TTL: variants seen among roughly 807,000 people sequenced by gnomAD.
TTL encodes tubulin--tyrosine ligase.
Under a neutral mutation model 41.1 loss-of-function variants are expected in TTL, and 10 were observed. The ratio of observed to expected loss-of-function variants is 0.24; its 90% CI spans 0.15 to 0.41. The LOEUF (loss-of-function observed/expected upper bound fraction) is 0.41, where lower values mean the gene tolerates loss of function less well. TTL is among the 10% of genes least tolerant of loss of function. The pLI is 1.00. For missense variants in TTL, 367 were observed against 460.4 expected (o/e 0.80, Z 1.86); for synonymous variants, 175 against 175.5 (o/e 1.00, Z 0.02).
chr2:112,510,077 CATT>C (rs1681884837), intron 5 of TTL, among the ~76,000 whole-genome samples: 1 of 152,140 alleles, frequency 6.6e-6, no homozygotes, highest in South Asian at 2.1e-4. Context: ...TGCACTTTAT[CATT>C]CTCTTCCTTT....
intron 6 of TTL, among the ~76,000 whole-genome samples, chr2:112,525,126 C>T (rs2104477566): frequency 6.6e-6 from 1 of 152,248 alleles, no homozygotes; most frequent in South Asian, 2.1e-4. Context: ...TTTCTGAGGG[C>T]TCTGTTCTGT....
chr2:112,527,472 A>T (rs762439326), intron 6 of TTL, among the ~76,000 whole-genome samples: 7 of 152,060 alleles, frequency 4.6e-5, no homozygotes, highest in Admixed American at 2.0e-4. Context: ...GTCTCTAAGG[A>T]CTTGCTTTAT....
intron 5 of TTL, among the ~76,000 whole-genome samples, chr2:112,512,513 C>T (rs1265870227): frequency 2.0e-5 from 3 of 152,142 alleles, no homozygotes; most frequent in East Asian, 1.9e-4. Context: ...CCGTCCACCT[C>T]GGCCTCCCAA....
chr2:112,498,322 TA>T (rs945220698), intron 3 of TTL, among the ~76,000 whole-genome samples: 4 of 150,754 alleles, frequency 2.7e-5, no homozygotes, highest in African/African-American at 4.9e-5. Flanking sequence ...AAATTCCGTC[TA>T]AAAAAAAACC....
At chr2:112,491,937 T>A (rs984251137) in intron 2 of TTL, among the ~76,000 whole-genome samples, 1 of 152,224 alleles carries the variant, frequency 6.6e-6, no homozygotes, top group Non-Finnish European at 1.5e-5. Context: ...TCCACGTCAG[T>A]AGTATGCCTT....
At chr2:112,515,418 C>CT (rs1332642625) in intron 5 of TTL, among the ~76,000 whole-genome samples, 2 of 151,886 alleles carry the variant, frequency 1.3e-5, no homozygotes, top group African/African-American at 4.8e-5. Flanking sequence ...TCTATTGTCT[C>CT]TTTTTTCTCT....
rs1172859061 is a variant in TTL at position 112,538,125 on chromosome 2, T to G, written c.*9330T>G. 6.6e-6 allele frequency: 1 copy of G among 152,258 alleles called. No homozygotes were observed. The highest frequency in any genetic ancestry group is 2.4e-5 in the African/African-American group (1 of 41,472). The allele number at this position is 152,258 out of a possible 1,614,324, so 9.4% of individuals were successfully genotyped here. A position where few individuals can be genotyped will look rare whatever the true frequency, so the allele number is the denominator to read the frequency against. On this transcript the variant is annotated 3_prime_UTR_variant, in exon 7 of 7. Transcript: ENST00000233336. Reference sequence around the variant, plus strand: ...AAAGAGGTTGGACTAATAATAATTCTTTTAAAACTTCCCACAGGGAAAAGC... The same window carrying G: ...AAAGAGGTTGGACTAATAATAATTCGTTTAAAACTTCCCACAGGGAAAAGC...
chr2:112,511,940 G>C (rs1574066005), intron 5 of TTL, among the ~76,000 whole-genome samples: 1 of 151,702 alleles, frequency 6.6e-6, no homozygotes, highest in Non-Finnish European at 1.5e-5. Flanking sequence ...TGTTTCCATG[G>C]TATGTCTCCA....
chr2:112,501,382 G>GA (rs1301436953), intron 4 of TTL, 41 bp downstream of exon 4: 1 of 1,502,592 alleles, frequency 6.7e-7, no homozygotes, highest in Non-Finnish European at 9.1e-7. Flanking sequence ...TTATTCATCT[G>GA]AAAAAACTGC....
At chr2:112,490,721 A>T (rs1351305647) in intron 2 of TTL, among the ~76,000 whole-genome samples, 1 of 149,722 alleles carries the variant, frequency 6.7e-6, no homozygotes, top group African/African-American at 2.5e-5. Context: ...ACAGGCACCC[A>T]CCACCATGTC....
rs942445897 is a variant in TTL, at chr2:112,534,004, C to G, written c.*5209C>G. On this transcript the variant is annotated 3_prime_UTR_variant, in exon 7 of 7. Coordinates refer to ENST00000233336, the MANE Select transcript of TTL (RefSeq NM_153712.5). ...TCCATAAAAGCAATGAGAACACTAGCAAAACTGTCTAGACATTAACCAGAG... is the reference window on the plus strand; with the variant it reads ...TCCATAAAAGCAATGAGAACACTAGGAAAACTGTCTAGACATTAACCAGAG... The G allele has an allele frequency of 1.3e-5, 2 of 152,152 alleles. No homozygotes were observed. 9.4% of individuals were successfully genotyped at this position (152,152 alleles called of 1,614,324 possible). A position where few individuals can be genotyped will look rare whatever the true frequency, so the allele number is the denominator to read the frequency against.
chr2:112,517,811 G>A (rs182572764), intron 5 of TTL, among the ~76,000 whole-genome samples: 3 of 151,374 alleles, frequency 2.0e-5, no homozygotes, highest in Admixed American at 1.3e-4. Context: ...GGGTGTGGTG[G>A]TGCATGCTTG....
Position 112,494,157 on chromosome 2 carries a change from G to A in TTL, c.251G>A (p.Ser84Asn), listed in dbSNP as rs767661782. The A allele has an allele frequency of 2.5e-6, 4 of 1,614,132 alleles. No individual in the cohort carries two copies. The highest frequency in any genetic ancestry group is 3.4e-6 in the Non-Finnish European group (4 of 1,179,990). Residue 84 changes from serine (S) to asparagine (N), a missense_variant, in exon 3 of 7, where the codon AGC becomes AAC. Ser to Asn is a conservative substitution (Grantham distance 46). Transcript: ENST00000233336. ...KASLVKLIKTSPELAESCTWF... is the reference protein window; with the variant it reads ...KASLVKLIKTNPELAESCTWF... ...TCATCTGCCAGGCTAATCAAGACAA[G>A]CCCTGAACTGGCTGAGTCCTGCACA...
chr2:112,482,450 A>T lies in TTL; in HGVS notation c.106A>T (p.Arg36Ter). ...HWKRLRRDNP[R>*]FNLMLGERNR... is the part of the protein sequence containing the mutation. ...GAAGAGGCTGCGGCGAGACAACCCC[A>T]GATTCAACCTGATGCTGGGAGAGAG... Residue 36 changes from arginine to a stop codon, truncating the protein, a stop_gained, in exon 1 of 7, where the codon AGA (arginine) becomes TGA (stop). Coordinates refer to ENST00000233336, the MANE Select transcript of TTL (RefSeq NM_153712.5). LOFTEE classifies it high-confidence loss of function. This position sits in a 1 kb window ranked among gnomAD's most constrained non-coding sequence, Gnocchi z 5.3. The T allele has an allele frequency of 6.2e-7, 1 of 1,611,216 alleles. No individual in the cohort carries two copies. Among genetic ancestry groups the T allele is most frequent in the Non-Finnish European group, 8.5e-7 (1 of 1,178,860 alleles).
At chr2:112,519,550 GTTTTTTTT>G (rs34836273) in intron 5 of TTL, among the ~76,000 whole-genome samples, 1 of 110,518 alleles carries the variant, frequency 9.0e-6, no homozygotes, top group Non-Finnish European at 1.8e-5. Flanking sequence ...AGGTCAACAT[GTTTTTTTT>G]TTTTTTTTTT....
At chr2:112,490,089 C>A (rs979333506) in intron 2 of TTL, among the ~76,000 whole-genome samples, 1 of 152,150 alleles carries the variant, frequency 6.6e-6, no homozygotes, top group Non-Finnish European at 1.5e-5. Context: ...ATTTTAACAA[C>A]TGTATCCGTG....
intron 3 of TTL, among the ~76,000 whole-genome samples, chr2:112,498,341 T>G (rs1246983011): frequency 2.0e-5 from 3 of 151,908 alleles, no homozygotes; most frequent in African/African-American, 7.3e-5. Context: ...ACCAAAAAAC[T>G]ACAGTACTAC....
At chr2:112,492,213 A>G (rs1289464797) in intron 2 of TTL, among the ~76,000 whole-genome samples, 1 of 152,272 alleles carries the variant, frequency 6.6e-6, no homozygotes, top group Non-Finnish European at 1.5e-5. Flanking sequence ...AAGAAAGTGA[A>G]GTATTATCTC....
chr2:112,484,863 T>A (rs1681197338), intron 1 of TTL, among the ~76,000 whole-genome samples: 1 of 152,218 alleles, frequency 6.6e-6, no homozygotes, highest in African/African-American at 2.4e-5. Context: ...TCTTCTGGCA[T>A]TTTCAACTGA....
Sources: gnomAD v4.1 joint callset for allele counts (sites outside exome capture counted in the v4.1 genomes callset) on GRCh38, gnomAD v4.1.1 for gene constraint, Gnocchi (gnomAD v3.1) non-coding constraint, MANE v1.5 for transcripts, NCBI Gene and HGNC (gene_info 2026-07-23, HGNC 2026-07-21) for gene names.